The following NALF1 variants were observed in gnomAD, a reference collection of about 807,000 sequenced individuals.
The protein encoded by NALF1 is NALCN channel auxiliary factor 1.
A neutral mutation model predicts 48.4 loss-of-function variants in NALF1; 3 were observed. That is an observed-to-expected ratio of 0.06 (90% CI 0.03 to 0.16). NALF1 has a LOEUF of 0.16. Ranked by LOEUF, NALF1 falls within the 10% of genes least tolerant of loss-of-function variation. NALF1 has a pLI of 1.00. For synonymous variants in NALF1, 262 were observed against 245.7 expected (o/e 1.07, Z -0.62); for missense variants, 526 against 571.5 (o/e 0.92, Z 0.81).
intron 1 of NALF1, among the ~76,000 whole-genome samples, chr13:107,234,246 A>G (rs1042755381): frequency 6.6e-6 from 1 of 152,174 alleles, no homozygotes. Flanking sequence ...GCAAATGTGC[A>G]CCTTGTTGGA....
intron 1 of NALF1, among the ~76,000 whole-genome samples, chr13:107,701,002 C>T (rs1463663136): frequency 2.6e-5 from 4 of 152,032 alleles, no homozygotes; most frequent in Non-Finnish European, 4.4e-5. Flanking sequence ...GGTGAGTGTA[C>T]AGAGAAAAGA....
intron 1 of NALF1, among the ~76,000 whole-genome samples, chr13:107,863,757 T>C (rs1452056605): frequency 6.6e-6 from 1 of 152,202 alleles, no homozygotes; most frequent in African/African-American, 2.4e-5. Flanking sequence ...ATGTAAATGA[T>C]GTAAATATAC....
At chr13:107,566,870 C>CT (rs1341812289) in intron 1 of NALF1, among the ~76,000 whole-genome samples, 1 of 152,212 alleles carries the variant, frequency 6.6e-6, no homozygotes, top group Non-Finnish European at 1.5e-5. Context: ...TGAGCGGCTT[C>CT]TGTCCAGGCC....
At chr13:107,807,162 T>C (rs1878818591) in intron 1 of NALF1, among the ~76,000 whole-genome samples, 1 of 152,200 alleles carries the variant, frequency 6.6e-6, no homozygotes, top group Non-Finnish European at 1.5e-5. Flanking sequence ...AGTATGTAAA[T>C]ATGATTATAT....
intron 1 of NALF1, among the ~76,000 whole-genome samples, chr13:107,393,334 T>C (rs752356393): frequency 7.2e-5 from 11 of 152,260 alleles, no homozygotes; most frequent in South Asian, 2.1e-4. Flanking sequence ...GAAAGCTAAC[T>C]TCTCACTATT....
chr13:107,819,719 G>C (rs1879304236), intron 1 of NALF1, among the ~76,000 whole-genome samples: 1 of 86,874 alleles, frequency 1.2e-5, no homozygotes, highest in African/African-American at 3.6e-5. Context: ...CTCTCTCTCT[G>C]GAAACTGTCT....
At chr13:107,713,089 A>G (rs1875651484) in intron 1 of NALF1, among the ~76,000 whole-genome samples, 1 of 152,198 alleles carries the variant, frequency 6.6e-6, no homozygotes, top group Non-Finnish European at 1.5e-5. Flanking sequence ...CCACATCCAC[A>G]GGTCAGAACC....
At chr13:107,265,842 A>T (rs1881028262) in intron 1 of NALF1, among the ~76,000 whole-genome samples, 1 of 152,212 alleles carries the variant, frequency 6.6e-6, no homozygotes, top group South Asian at 2.1e-4. Context: ...TAAGTAAATT[A>T]TATAAACATA....
At chr13:107,320,509 C>T (rs573369795) in intron 1 of NALF1, among the ~76,000 whole-genome samples, 3 of 151,932 alleles carry the variant, frequency 2.0e-5, no homozygotes, top group South Asian at 4.2e-4. Context: ...GTCAAGGGAC[C>T]GAAATAATAT....
rs538202391 is a variant in NALF1 at position 107,866,167 on chromosome 13, TGCCGCC to T, written c.424_429del (p.Gly142_Gly143del). 3.7e-6 allele frequency: 6 copies of T among 1,605,130 alleles called. No individual in the cohort carries two copies. The highest frequency in any genetic ancestry group is 1.7e-5 in the Admixed American group (1 of 59,168). On this transcript the variant is annotated inframe_deletion, in exon 1 of 3. Coordinates refer to ENST00000375915, the MANE Select transcript of NALF1 (RefSeq NM_001080396.3). This position sits in a 1 kb window ranked among gnomAD's most constrained non-coding sequence, Gnocchi z 4.4. The stretch of plus-strand genomic sequence containing the variant: ...CGGTCGTCTTTGCCTCGGTTGCCCT[TGCCGCC>T]GCCGCCGCCGCCGTCTCCCGGGGAG...
chr13:107,822,386 T>G (rs1378469105), intron 1 of NALF1, among the ~76,000 whole-genome samples: 4 of 152,098 alleles, frequency 2.6e-5, no homozygotes, highest in African/African-American at 9.6e-5. Flanking sequence ...CCACTACTGC[T>G]TCTCAAAGCT....
intron 1 of NALF1, among the ~76,000 whole-genome samples, chr13:107,577,482 C>T (rs913575151): frequency 1.6e-3 from 3 of 1,858 alleles, no homozygotes; most frequent in African/African-American, 1.8e-3. Context: ...TGCAATACCC[C>T]CAAATTATCA....
chr13:107,362,256 T>G lies in NALF1; in HGVS notation c.916-151501A>C, dbSNP rs1428760336. Reference sequence around the variant, plus strand: ...TGATATTCATGTAAACAGGAAGGAATAGTTGTATTCATTTTCTAGGGCGTG... The same window carrying G: ...TGATATTCATGTAAACAGGAAGGAAGAGTTGTATTCATTTTCTAGGGCGTG... On this transcript the variant is annotated intron_variant, in intron 1 of 2. Coordinates refer to ENST00000375915, the MANE Select transcript of NALF1 (RefSeq NM_001080396.3). This position sits in a 1 kb window ranked among gnomAD's most constrained non-coding sequence, Gnocchi z 4.6. Among the ~76,000 whole-genome samples, 2 of 152,168 alleles carry G rather than the reference T, an allele frequency of 1.3e-5. No individual in the cohort carries two copies. The highest frequency in any genetic ancestry group is 2.9e-5 in the Non-Finnish European group (2 of 68,030).
chr13:107,410,862 T>C (rs1176629401), intron 1 of NALF1, among the ~76,000 whole-genome samples: 1 of 152,200 alleles, frequency 6.6e-6, no homozygotes, highest in African/African-American at 2.4e-5. Flanking sequence ...CTGAATTTTA[T>C]TTCTAAACCA....
At chr13:107,345,849 T>C (rs181685398) in intron 1 of NALF1, among the ~76,000 whole-genome samples, 28 of 152,302 alleles carry the variant, frequency 1.8e-4, no homozygotes, top group Admixed American at 1.6e-3. Context: ...CAACCCTTTA[T>C]TGGGTGGAGG....
intron 1 of NALF1, among the ~76,000 whole-genome samples, chr13:107,302,372 G>A (rs1431053860): frequency 6.6e-6 from 1 of 152,206 alleles, no homozygotes; most frequent in Non-Finnish European, 1.5e-5. Context: ...TACCAAGGAA[G>A]TGAGTATTTG....
At chr13:107,497,022 T>C (rs779359674) in intron 1 of NALF1, among the ~76,000 whole-genome samples, 11 of 152,148 alleles carry the variant, frequency 7.2e-5, no homozygotes, top group Non-Finnish European at 1.6e-4. Context: ...TACTGGAGCA[T>C]GGACAGAATG....
rs1440801575 is a variant in NALF1, at chr13:107,841,142, A to G, written c.915+24540T>C. Among the ~76,000 whole-genome samples, 4 of 152,196 alleles carry G rather than the reference A, an allele frequency of 2.6e-5. No individual in the cohort carries two copies. In the East Asian group the frequency reaches 7.7e-4, roughly 29 times the overall value. Reference sequence around the variant, plus strand: ...CCTCCATCCCATGTTTTGTATATACAAGATATTTTTTAAAATTTGTTAAAT... The same window carrying G: ...CCTCCATCCCATGTTTTGTATATACGAGATATTTTTTAAAATTTGTTAAAT... On this transcript the variant is annotated intron_variant, in intron 1 of 2. Coordinates refer to ENST00000375915, the MANE Select transcript of NALF1 (RefSeq NM_001080396.3).
intron 1 of NALF1, among the ~76,000 whole-genome samples, chr13:107,243,889 C>G (rs1566462260): frequency 6.6e-6 from 1 of 152,088 alleles, no homozygotes. Context: ...CTGTGATTCA[C>G]CCAATTTAGC....
Sources: allele counts gnomAD v4.1 joint callset (sites outside exome capture counted in the v4.1 genomes callset), GRCh38; gene constraint gnomAD v4.1.1; non-coding constraint Gnocchi (gnomAD v3.1); transcripts MANE v1.5; gene names NCBI Gene and HGNC (gene_info 2026-07-23, HGNC 2026-07-21).